The following CLEC16A variants were observed in gnomAD, a reference collection of about 807,000 sequenced individuals.
CLEC16A encodes the protein C-type lectin domain containing 16A.
CLEC16A carries 51 observed loss-of-function variants against 109.5 expected under a neutral mutation model. The observed-to-expected ratio is 0.47, with a 90% CI of 0.37 to 0.59. The LOEUF (loss-of-function observed/expected upper bound fraction) is 0.59. Among genes scored for constraint, CLEC16A ranks in the 20% least tolerant of loss-of-function variants. The probability of loss-of-function intolerance (pLI) is 0.00; values close to 1 mark genes in which losing one functional copy is unlikely to be tolerated. For missense variants in CLEC16A, 1,339 were observed against 1,394.0 expected (o/e 0.96, Z 0.63); for synonymous variants, 673 against 564.2 (o/e 1.19, Z -2.73).
chr16:11,120,839 C>CACACACA, intron 20 of CLEC16A, 73 bp downstream of exon 20: 1 of 966,074 alleles, frequency 1.0e-6, no homozygotes, highest in Non-Finnish European at 1.4e-6. Flanking sequence ...CACACACACA[C>CACACACA]CACACACAAT....
rs145755618 is a variant in CLEC16A, at chr16:11,159,842, T to G, written c.2642-6546T>G. On this transcript the variant is annotated intron_variant, in intron 22 of 23. Transcript: ENST00000409790. ...TTTATTGTCGGGTTCTTATTTACTT[T>G]TTGTTTTAGTAGCTTTCAGTATTTA... 1.6e-3 allele frequency among the ~76,000 whole-genome samples: 247 copies of G among 152,352 alleles called. 1 individual carries two copies. The highest frequency in any genetic ancestry group is 5.3e-3 in the African/African-American group (220 of 41,588).
intron 4 of CLEC16A, 47 bp downstream of exon 4, chr16:10,969,356 G>GTT: frequency 1.5e-6 from 2 of 1,325,138 alleles, no homozygotes; most frequent in Non-Finnish European, 2.0e-6. Context: ...GCCACACGTG[G>GTT]CTTTTTTTTT....
intron 19 of CLEC16A, among the ~76,000 whole-genome samples, chr16:11,113,262 C>T (rs760049668): frequency 6.6e-6 from 1 of 152,228 alleles, no homozygotes; most frequent in Non-Finnish European, 1.5e-5. Context: ...CCTGGCTGGG[C>T]CTCATAAAGA....
intron 19 of CLEC16A, among the ~76,000 whole-genome samples, chr16:11,078,010 T>TGTGTGTGTG (rs2049486702): frequency 7.1e-6 from 1 of 140,190 alleles, no homozygotes; most frequent in African/African-American, 2.7e-5. Context: ...TGTGTGTGTG[T>TGTGTGTGTG]TTAGAGAAAT....
At chr16:10,974,503 C>G (rs1280792652) in intron 7 of CLEC16A, among the ~76,000 whole-genome samples, 1 of 152,120 alleles carries the variant, frequency 6.6e-6, no homozygotes, top group Middle Eastern at 3.2e-3. Flanking sequence ...TTAGCAACAT[C>G]GCCAGCCTCT....
At chr16:11,116,221 C>G (rs2051978981) in intron 19 of CLEC16A, among the ~76,000 whole-genome samples, 2 of 150,776 alleles carry the variant, frequency 1.3e-5, no homozygotes, top group African/African-American at 4.9e-5. Context: ...GAAACCCTGT[C>G]TCTACTAAAA....
chr16:10,989,254 G>A (rs55968069), intron 10 of CLEC16A, among the ~76,000 whole-genome samples: 49,376 of 151,718 alleles, frequency 0.33, 8,514 homozygotes, highest in South Asian at 0.46. Flanking sequence ...AGGATCTCGC[G>A]TTGTTGCCCA....
chr16:10,997,635 T>C (rs2044408307), intron 10 of CLEC16A, among the ~76,000 whole-genome samples: 1 of 152,236 alleles, frequency 6.6e-6, no homozygotes. Flanking sequence ...CTAGTGCTGG[T>C]AATATCTAAA....
At chr16:11,177,577 G>A (rs2068804124) in intron 23 of CLEC16A, among the ~76,000 whole-genome samples, 1 of 150,938 alleles carries the variant, frequency 6.6e-6, no homozygotes, top group East Asian at 1.9e-4. Context: ...TCCAGCCTGG[G>A]CAACAGAGTG....
At chr16:10,991,023 A>G (rs75683516) in intron 10 of CLEC16A, among the ~76,000 whole-genome samples, 636 of 152,322 alleles carry the variant, frequency 4.2e-3, no homozygotes, top group Non-Finnish European at 5.8e-3. Flanking sequence ...GCACTGTTCT[A>G]GGCCCTGGAG....
At chr16:10,947,264 C>G (rs573515842) in intron 1 of CLEC16A, among the ~76,000 whole-genome samples, 1 of 152,248 alleles carries the variant, frequency 6.6e-6, no homozygotes, top group Non-Finnish European at 1.5e-5. Context: ...AGTGCCCACC[C>G]TGGGGCTTGT....
At chr16:11,042,571 A>G (rs1408152753) in intron 15 of CLEC16A, among the ~76,000 whole-genome samples, 1 of 152,234 alleles carries the variant, frequency 6.6e-6, no homozygotes, top group East Asian at 1.9e-4. Flanking sequence ...TGAAGAGTCC[A>G]CTTAATTGAG....
At chr16:11,000,774 G>C (rs949899375) in intron 10 of CLEC16A, among the ~76,000 whole-genome samples, 12 of 152,150 alleles carry the variant, frequency 7.9e-5, no homozygotes, top group Non-Finnish European at 1.3e-4. Flanking sequence ...ATATTTGGAT[G>C]CTAATTCACC....
At chr16:11,103,140 G>C (rs2051018519) in intron 19 of CLEC16A, among the ~76,000 whole-genome samples, 1 of 152,230 alleles carries the variant, frequency 6.6e-6, no homozygotes, top group African/African-American at 2.4e-5. Context: ...AGGTTTGGTG[G>C]AAAATGGGAG....
intron 8 of CLEC16A, 101 bp downstream of exon 8, chr16:10,977,500 C>A (rs2043086015): frequency 1.8e-6 from 2 of 1,083,782 alleles, no homozygotes; most frequent in Non-Finnish European, 2.6e-6. Flanking sequence ...CAAATCAGGA[C>A]TGAGGTTTTT....
chr16:11,058,005 T>G (rs2048296108), intron 18 of CLEC16A, among the ~76,000 whole-genome samples: 1 of 149,540 alleles, frequency 6.7e-6, no homozygotes, highest in African/African-American at 2.6e-5. Flanking sequence ...TTGGGTGTGG[T>G]GGGGTGAATT....
intron 19 of CLEC16A, among the ~76,000 whole-genome samples, chr16:11,107,775 A>G (rs2051311549): frequency 6.6e-6 from 1 of 152,198 alleles, no homozygotes; most frequent in South Asian, 2.1e-4. Context: ...GTTAGCTCCC[A>G]AGGAAACGTG....
At chr16:10,950,751 G>A (rs2041686233) in intron 1 of CLEC16A, among the ~76,000 whole-genome samples, 1 of 152,240 alleles carries the variant, frequency 6.6e-6, no homozygotes, top group Non-Finnish European at 1.5e-5. Flanking sequence ...AGGCCAGACA[G>A]ATACAGGCTC....
chr16:11,144,148 C>A (rs913227808), intron 22 of CLEC16A, among the ~76,000 whole-genome samples: 1 of 152,238 alleles, frequency 6.6e-6, no homozygotes, highest in Non-Finnish European at 1.5e-5. Context: ...CCCAAGCTAC[C>A]TTATCCACCT....
Sources: gnomAD v4.1 joint callset for allele counts (sites outside exome capture counted in the v4.1 genomes callset) on GRCh38, gnomAD v4.1.1 for gene constraint, MANE v1.5 for transcripts, NCBI Gene and HGNC (gene_info 2026-07-23, HGNC 2026-07-21) for gene names.